RABGAP1: variants seen among roughly 807,000 people sequenced by gnomAD.
RABGAP1 encodes the protein rab GTPase-activating protein 1.
Under a neutral mutation model 137.6 loss-of-function variants are expected in RABGAP1, and 23 were observed. The observed-to-expected ratio is 0.17, with a 90% confidence interval of 0.12 to 0.24. RABGAP1 has a LOEUF of 0.24. Among genes scored for constraint, RABGAP1 ranks in the 10% least tolerant of loss-of-function variants. RABGAP1 has a pLI of 1.00. For missense variants in RABGAP1, 906 were observed against 1,275.8 expected (o/e 0.71, Z 4.42); for synonymous variants, 451 against 450.7 (o/e 1.00, Z -0.01).
At chr9:123,046,884 A>G (rs147651787) in intron 13 of RABGAP1, among the ~76,000 whole-genome samples, 5 of 152,344 alleles carry the variant, frequency 3.3e-5, no homozygotes, top group Non-Finnish European at 7.3e-5. Flanking sequence ...GACAGAGCTT[A>G]GAAGATCCCT....
At chr9:123,024,680 C>T (rs921411770) in intron 13 of RABGAP1, among the ~76,000 whole-genome samples, 2 of 152,214 alleles carry the variant, frequency 1.3e-5, no homozygotes, top group East Asian at 3.9e-4. Context: ...CCTCGTGATC[C>T]TCCCACCTCG....
intron 15 of RABGAP1, among the ~76,000 whole-genome samples, chr9:123,073,187 T>A (rs1304381532): frequency 6.6e-6 from 1 of 152,224 alleles, no homozygotes; most frequent in Non-Finnish European, 1.5e-5. Context: ...AGCCTATTTC[T>A]GCTCAGCTCA....
chr9:123,001,504 C>T (rs1441341296), intron 10 of RABGAP1, among the ~76,000 whole-genome samples: 2 of 152,132 alleles, frequency 1.3e-5, no homozygotes, highest in African/African-American at 4.8e-5. Context: ...AGGAAATAAG[C>T]AGAGCAGGCA....
At chr9:122,982,425 A>G (rs1170505369) in intron 2 of RABGAP1, among the ~76,000 whole-genome samples, 1 of 152,214 alleles carries the variant, frequency 6.6e-6, no homozygotes, top group Non-Finnish European at 1.5e-5. Flanking sequence ...ATCCCAACAG[A>G]AAACTTAGGT....
intron 2 of RABGAP1, among the ~76,000 whole-genome samples, chr9:122,968,394 C>G (rs1835289139): frequency 6.7e-6 from 1 of 149,952 alleles, no homozygotes; most frequent in Non-Finnish European, 1.5e-5. Context: ...GGCTAATTTT[C>G]ATATTTTTAG....
chr9:123,061,420 T>C (rs919918508), intron 13 of RABGAP1, among the ~76,000 whole-genome samples: 41 of 152,336 alleles, frequency 2.7e-4, no homozygotes, highest in African/African-American at 7.2e-4. Flanking sequence ...TGGCATGCGC[T>C]TGCTTTTATA....
At chr9:122,967,505 A>G (rs1835224946) in intron 2 of RABGAP1, among the ~76,000 whole-genome samples, 1 of 152,224 alleles carries the variant, frequency 6.6e-6, no homozygotes, top group Admixed American at 6.5e-5. Flanking sequence ...CGTAAGTAGA[A>G]CAGTTAGCCT....
chr9:123,078,684 C>A lies in RABGAP1; in HGVS notation c.2424+1922C>A, dbSNP rs74360176. Reference sequence around the variant, plus strand: ...ATGATTTCTTTGCCTCCAAAATCCCCTTTCTCAGTGTCCCCATCTCAATTA... The same window carrying A: ...ATGATTTCTTTGCCTCCAAAATCCCATTTCTCAGTGTCCCCATCTCAATTA... On this transcript the variant is annotated intron_variant, in intron 19 of 25. Transcript: ENST00000373647. Among the ~76,000 whole-genome samples the A allele has an allele frequency of 5.6e-4, 85 of 152,288 alleles. No homozygotes were observed. In the East Asian group the frequency reaches 0.014, roughly 26 times the overall value.
chr9:122,995,368 T>G (rs540435968), intron 6 of RABGAP1, among the ~76,000 whole-genome samples: 1 of 152,130 alleles, frequency 6.6e-6, no homozygotes, highest in Non-Finnish European at 1.5e-5. Context: ...GCAAAGAAGG[T>G]GATAATAATC....
chr9:122,974,559 A>T (rs1184927333), intron 2 of RABGAP1, among the ~76,000 whole-genome samples: 1 of 151,574 alleles, frequency 6.6e-6, no homozygotes, highest in Non-Finnish European at 1.5e-5. Context: ...TGGGAGGTGG[A>T]GGCAGGAGGA....
intron 11 of RABGAP1, among the ~76,000 whole-genome samples, chr9:123,013,264 A>G (rs1222615094): frequency 6.6e-6 from 1 of 151,962 alleles, no homozygotes; most frequent in African/African-American, 2.4e-5. Flanking sequence ...AAATTACTTG[A>G]GAGATTAGAA....
intron 14 of RABGAP1, among the ~76,000 whole-genome samples, chr9:123,067,772 G>A (rs1178296391): frequency 3.3e-5 from 5 of 152,080 alleles, no homozygotes; most frequent in Non-Finnish European, 7.3e-5. Context: ...CCCAGATTTC[G>A]TTACAGCCAA....
At chr9:123,098,485 C>A (rs1037954133) in intron 22 of RABGAP1, among the ~76,000 whole-genome samples, 14 of 152,206 alleles carry the variant, frequency 9.2e-5, no homozygotes, top group African/African-American at 3.4e-4. Flanking sequence ...GCAGAAGCCT[C>A]AATCTGAAAT....
chr9:122,948,380 T>TG (rs1484182333), intron 1 of RABGAP1, among the ~76,000 whole-genome samples: 1 of 152,050 alleles, frequency 6.6e-6, no homozygotes. Context: ...CCTAGATACT[T>TG]GGGTTTGGAT....
intron 13 of RABGAP1, chr9:123,034,477 A>G: frequency 1.3e-6 from 1 of 793,434 alleles, no homozygotes; most frequent in Non-Finnish European, 2.1e-6. Flanking sequence ...CACACATGCA[A>G]AGCTGACCGC....
At chr9:122,943,283 G>A (rs1833724451) in intron 1 of RABGAP1, among the ~76,000 whole-genome samples, 2 of 151,786 alleles carry the variant, frequency 1.3e-5, no homozygotes, top group Admixed American at 6.6e-5. Context: ...TGGCCAGGCT[G>A]GTCTTGAACT....
chr9:123,077,936 T>A (rs957776547), intron 19 of RABGAP1, among the ~76,000 whole-genome samples: 4 of 152,154 alleles, frequency 2.6e-5, no homozygotes, highest in Admixed American at 2.0e-4. Flanking sequence ...CCAAGAAATG[T>A]TTAAATGCCT....
At chr9:123,030,409 A>C (rs1041187820) in intron 13 of RABGAP1, among the ~76,000 whole-genome samples, 1 of 152,192 alleles carries the variant, frequency 6.6e-6, no homozygotes, top group Non-Finnish European at 1.5e-5. Context: ...TTTTTAATGA[A>C]TGTTATCCCA....
chr9:123,020,410 G>A lies in RABGAP1; in HGVS notation c.1745G>A (p.Cys582Tyr). 2 of 1,606,964 alleles carry A rather than the reference G, an allele frequency of 1.2e-6. No individual in the cohort carries two copies. The highest frequency in any genetic ancestry group is 1.7e-6 in the Non-Finnish European group (2 of 1,176,482). The change falls in exon 13 of 26, where the codon TGT (cysteine) becomes TAT (tyrosine). Residue 582 changes from cysteine (C) to tyrosine (Y), a missense_variant. Around this residue, in one of 9 missense-constraint regions of RABGAP1, gnomAD observed 212 missense variants for 289.4 expected, o/e 0.73. Coordinates refer to ENST00000373647, the MANE Select transcript of RABGAP1 (RefSeq NM_012197.4). ...GAAGTCTGGCAGCTGCTAGCAGGCT[G>A]TCATAACAATGACCACCTGGTAGAG... ...RGEVWQLLAG[C>Y]HNNDHLVEKY...
Sources: allele counts gnomAD v4.1 joint callset (sites outside exome capture counted in the v4.1 genomes callset), GRCh38; gene constraint gnomAD v4.1.1; regional missense constraint gnomAD v4.1.1; transcripts MANE v1.5; gene names NCBI Gene and HGNC (gene_info 2026-07-23, HGNC 2026-07-21).